Variants in HECW1 observed in about 807,000 individuals in gnomAD.
The protein encoded by HECW1 is E3 ubiquitin-protein ligase HECW1.
In HECW1, 61 loss-of-function variants were observed where a neutral mutation model predicts 182.3. The observed-to-expected ratio is 0.33, with a 90% CI of 0.27 to 0.41. The LOEUF is 0.41. HECW1 is among the 10% of genes least tolerant of loss of function. The probability of loss-of-function intolerance (pLI) is 1.00; values close to 1 mark genes in which losing one functional copy is unlikely to be tolerated. For synonymous variants in HECW1, 859 were observed against 832.6 expected (o/e 1.03, Z -0.55); for missense variants, 1,739 against 2,108.9 (o/e 0.82, Z 3.44).
chr7:43,119,649 G>A (rs960082834), intron 2 of HECW1, among the ~76,000 whole-genome samples: 37 of 152,040 alleles, frequency 2.4e-4, no homozygotes, highest in African/African-American at 8.0e-4. Flanking sequence ...TGAATGGCAC[G>A]TTAGCTTAAA....
At chr7:43,513,091 T>G (rs1268158660) in intron 24 of HECW1, among the ~76,000 whole-genome samples, 1 of 152,182 alleles carries the variant, frequency 6.6e-6, no homozygotes, top group East Asian at 1.9e-4. Context: ...CCCCGACCAC[T>G]GGGTGCATAA....
rs749336938 is a variant in HECW1 at position 43,206,049 on chromosome 7, C to T, written c.-31-37826C>T. Among the ~76,000 whole-genome samples the T allele has an allele frequency of 1.9e-4, 29 of 152,318 alleles. 1 individual carries two copies. Among genetic ancestry groups the T allele is most frequent in the East Asian group, 1.2e-3 (6 of 5,180 alleles). On this transcript the variant is annotated intron_variant, in intron 2 of 29. Coordinates refer to ENST00000395891, the MANE Select transcript of HECW1 (RefSeq NM_015052.5). ...TTCTCCATAAGTATACATTGTCTGG[C>T]GCTATAGGCTGTGGCTCTTTCTTTC...
At chr7:43,212,555 G>A in intron 2 of HECW1, among the ~76,000 whole-genome samples, 1 of 152,144 alleles carries the variant, frequency 6.6e-6, no homozygotes, top group South Asian at 2.1e-4. Context: ...TTACAGAAGG[G>A]AGGCCAAGGC....
At chr7:43,238,065 C>T (rs893101239) in intron 2 of HECW1, among the ~76,000 whole-genome samples, 3 of 152,130 alleles carry the variant, frequency 2.0e-5, no homozygotes, top group African/African-American at 7.2e-5. Flanking sequence ...TTAATGAAAA[C>T]ACCCTAGGAT....
At chr7:43,333,657 A>T (rs764640066) in intron 5 of HECW1, among the ~76,000 whole-genome samples, 14 of 152,222 alleles carry the variant, frequency 9.2e-5, no homozygotes, top group Non-Finnish European at 1.9e-4. Context: ...CAGTGCAGGA[A>T]GCATGAGACT....
At chr7:43,325,526 T>G (rs1203404064) in intron 5 of HECW1, among the ~76,000 whole-genome samples, 1 of 152,092 alleles carries the variant, frequency 6.6e-6, no homozygotes, top group Non-Finnish European at 1.5e-5. Flanking sequence ...TTCATCCAAT[T>G]TTAGTAGGAA....
intron 2 of HECW1, among the ~76,000 whole-genome samples, chr7:43,222,041 A>G (rs1454950076): frequency 6.6e-6 from 1 of 152,204 alleles, no homozygotes; most frequent in African/African-American, 2.4e-5. Context: ...CATTTTAACA[A>G]GATCTGCAGG....
chr7:43,237,842 C>T (rs1023220558), intron 2 of HECW1, among the ~76,000 whole-genome samples: 1 of 144,736 alleles, frequency 6.9e-6, no homozygotes, highest in Non-Finnish European at 1.5e-5. Flanking sequence ...TCCCCCCCGC[C>T]GCCCCCACTT....
intron 17 of HECW1, among the ~76,000 whole-genome samples, chr7:43,490,231 C>G (rs374073824): frequency 5.9e-5 from 9 of 152,174 alleles, no homozygotes; most frequent in African/African-American, 1.9e-4. Flanking sequence ...GCTAACTGAT[C>G]AGACCATGTT....
chr7:43,565,634 A>G lies in HECW1; in HGVS notation c.*3708A>G, dbSNP rs185937919. On this transcript the variant is annotated 3_prime_UTR_variant, in exon 30 of 30. Coordinates refer to ENST00000395891, the MANE Select transcript of HECW1 (RefSeq NM_015052.5). Reference sequence around the variant, plus strand: ...AGTGTTCATTATTAAAACTACCGCAATACTATATCATAAAAATCTGGGATG... The same window carrying G: ...AGTGTTCATTATTAAAACTACCGCAGTACTATATCATAAAAATCTGGGATG... 5.7e-5 allele frequency: 10 copies of G among 176,928 alleles called. No homozygotes were observed. The East Asian group carries it at 8.7e-4, about 15-fold the overall frequency. The allele number at this position is 176,928 out of a possible 1,614,324, so 11.0% of individuals were successfully genotyped here.
intron 26 of HECW1, among the ~76,000 whole-genome samples, chr7:43,549,570 A>T (rs1266360027): frequency 1.3e-5 from 2 of 152,196 alleles, no homozygotes; most frequent in South Asian, 2.1e-4. Flanking sequence ...AATGTCTAGC[A>T]TGTTATCTAC....
chr7:43,189,600 A>C (rs34706840), intron 2 of HECW1, among the ~76,000 whole-genome samples: 19,168 of 149,120 alleles, frequency 0.13, 1,553 homozygotes, highest in Non-Finnish European at 0.18. Context: ...ACATTAAAAA[A>C]AAGAAAGAGA....
At chr7:43,191,965 T>C (rs1331640706) in intron 2 of HECW1, among the ~76,000 whole-genome samples, 1 of 64,912 alleles carries the variant, frequency 1.5e-5, no homozygotes, top group African/African-American at 5.6e-5. Flanking sequence ...TGTTTTTTTC[T>C]TTTTTTTTTT....
In HECW1 at chr7:43,444,604, G is replaced by A; in HGVS notation, c.1432G>A (p.Ala478Thr). 2 of 1,610,696 alleles carry A rather than the reference G, an allele frequency of 1.2e-6. No homozygotes were observed. The highest frequency in any genetic ancestry group is 1.7e-6 in the Non-Finnish European group (2 of 1,178,748). The change falls in exon 11 of 30, where the codon GCC becomes ACC. Residue 478 changes from alanine (A) to threonine (T), a missense_variant. Around this residue, in one of 5 missense-constraint regions of HECW1, gnomAD observed 971 missense variants for 1,029.1 expected, o/e 0.94. Transcript: ENST00000395891. This position sits in a 1 kb window ranked among gnomAD's most constrained non-coding sequence, Gnocchi z 4.3. ...ASALLLEDGE[A>T]PASTKEEPLE... is the part of the protein sequence containing the mutation. ...AGCACTGCTGCTGGAAGACGGTGAA[G>A]CCCCAGCCAGCACCAAGGAGGAGCC...
At chr7:43,501,773 G>C (rs2079370510) in intron 21 of HECW1, among the ~76,000 whole-genome samples, 1 of 151,918 alleles carries the variant, frequency 6.6e-6, no homozygotes, top group African/African-American at 2.4e-5. Flanking sequence ...TGAGGCTGCA[G>C]TGAGCTATGA....
chr7:43,539,431 T>A (rs1182236372), intron 24 of HECW1, among the ~76,000 whole-genome samples: 1 of 152,238 alleles, frequency 6.6e-6, no homozygotes, highest in African/African-American at 2.4e-5. Flanking sequence ...CCTCAAAGTT[T>A]CCTACTTGGC....
chr7:43,167,168 C>T (rs1791217838), intron 2 of HECW1, among the ~76,000 whole-genome samples: 1 of 152,160 alleles, frequency 6.6e-6, no homozygotes, highest in Non-Finnish European at 1.5e-5. Flanking sequence ...GGGCCATGCT[C>T]CCTTCAAAGG....
intron 2 of HECW1, chr7:43,118,100 GA>G (rs1785221910): frequency 6.6e-6 from 1 of 152,618 alleles, no homozygotes. Context: ...CTGTGCCCAT[GA>G]TGACAAATGC....
chr7:43,283,347 CAG>C (rs1804175868), intron 3 of HECW1, among the ~76,000 whole-genome samples: 1 of 152,120 alleles, frequency 6.6e-6, no homozygotes, highest in African/African-American at 2.4e-5. Context: ...CCATTGAAGT[CAG>C]AAGTATGTGT....
Sources: gnomAD v4.1 joint callset for allele counts (sites outside exome capture counted in the v4.1 genomes callset) on GRCh38, gnomAD v4.1.1 for gene constraint, gnomAD v4.1.1 regional missense constraint, Gnocchi (gnomAD v3.1) non-coding constraint, MANE v1.5 for transcripts, NCBI Gene and HGNC (gene_info 2026-07-23, HGNC 2026-07-21) for gene names.